Variants in TRIP13 observed in about 807,000 individuals in gnomAD.
TRIP13 encodes the protein pachytene checkpoint protein 2 homolog.
TRIP13 carries 25 observed loss-of-function variants against 54.4 expected under a neutral mutation model. The observed-to-expected ratio is 0.46, with a 90% CI of 0.33 to 0.64. The LOEUF is 0.64. Among genes scored for constraint, TRIP13 ranks in the 30% least tolerant of loss-of-function variants. The probability of loss-of-function intolerance (pLI) is 0.02; values close to 1 mark genes in which losing one functional copy is unlikely to be tolerated. For synonymous variants in TRIP13, 207 were observed against 207.8 expected (o/e 1.00, Z 0.03); for missense variants, 373 against 534.2 (o/e 0.70, Z 2.97).
rs1024144916 is a variant in TRIP13 at position 907,735 on chromosome 5, C to T, written c.673-253C>T. ...AAAGCAGAGGTACAGGTCACCCTCA[C>T]TGTGCCGCCCCGGGCAGGTCAGGTG... On this transcript the variant is annotated intron_variant, in intron 7 of 12. Coordinates refer to ENST00000166345, the MANE Select transcript of TRIP13 (RefSeq NM_004237.4). This position sits in a 1 kb window ranked among gnomAD's most constrained non-coding sequence, Gnocchi z 4.1. 6.6e-6 allele frequency among the ~76,000 whole-genome samples: 1 copy of T among 152,256 alleles called. No homozygotes were observed. Among genetic ancestry groups the T allele is most frequent in the Non-Finnish European group, 1.5e-5 (1 of 68,050 alleles).
Position 908,432 on chromosome 5 carries a change from T to G in TRIP13, c.837T>G (p.Ala279=). ...CAGATGCCATCCGCGTGGTCAATGC[T>G]GTCTTGACCCAAATTGATCAGATTA... ...EPSDAIRVVN[A]VLTQIDQIKR... The change falls in exon 9 of 13, where the codon GCT becomes GCG. Residue 279 remains alanine (A), a synonymous_variant. Transcript: ENST00000166345. This position sits in a 1 kb window ranked among gnomAD's most constrained non-coding sequence, Gnocchi z 5.2. 1 of 1,613,892 alleles carries G rather than the reference T, an allele frequency of 6.2e-7. No individual in the cohort carries two copies. Among genetic ancestry groups the G allele is most frequent in the Non-Finnish European group, 8.5e-7 (1 of 1,180,040 alleles).
intron 2 of TRIP13, among the ~76,000 whole-genome samples, chr5:896,386 A>ATTTATATAATAAC (rs1331200344): frequency 2.0e-5 from 3 of 152,196 alleles, no homozygotes; most frequent in African/African-American, 7.2e-5. Flanking sequence ...CATCTGTGTG[A>ATTTATATAATAAC]GTGTATTTAT....
At chr5:909,866 C>T (rs1042618031) in intron 9 of TRIP13, among the ~76,000 whole-genome samples, 3 of 152,248 alleles carry the variant, frequency 2.0e-5, no homozygotes, top group Non-Finnish European at 4.4e-5. Flanking sequence ...GGCTTAAGAA[C>T]GCCTTTAAGC....
At chr5:900,369 A>G in intron 3 of TRIP13, 125 bp from the exon 4 acceptor site, 1 of 903,632 alleles carries the variant, frequency 1.1e-6, no homozygotes, top group South Asian at 1.7e-5. Context: ...TCCTGTAATC[A>G]GAATCATAGT....
At position 911,687 on chromosome 5, in the gene TRIP13, G is replaced by A. The variant is rs116573348; in HGVS notation, c.867-156G>A. ...AAGGAGCAGCGAGAGCAAAGGCTGGGGGGTCTGCGTGGCCTGTGTTGGCAC... is the reference window on the plus strand; with the variant it reads ...AAGGAGCAGCGAGAGCAAAGGCTGGAGGGTCTGCGTGGCCTGTGTTGGCAC... On this transcript the variant is annotated intron_variant, in intron 9 of 12. Transcript: ENST00000166345. This position sits in a 1 kb window ranked among gnomAD's most constrained non-coding sequence, Gnocchi z 4.7. 5.6e-3 allele frequency among the ~76,000 whole-genome samples: 860 copies of A among 152,322 alleles called. 6 individuals are homozygous for A. The highest frequency in any genetic ancestry group is 0.02 in the African/African-American group (836 of 41,572).
rs1355818820 is a variant in TRIP13 at position 901,381 on chromosome 5, A to G, written c.485A>G (p.Lys162Arg). ...ATGACAACTTTACTGTTTTCAGACAAGAACGTCAACAGCAACCTCATCACC... is the reference window on the plus strand; with the variant it reads ...ATGACAACTTTACTGTTTTCAGACAGGAACGTCAACAGCAACCTCATCACC... The part of the protein sequence containing the change: ...YVMTTLLFSD[K>R]NVNSNLITWN... Residue 162 changes from lysine (K) to arginine (R), a missense_variant, in exon 5 of 13, where the codon AAG becomes AGG. Around this residue, in one of 4 missense-constraint regions of TRIP13, gnomAD observed 119 missense variants for 223.0 expected, o/e 0.53. Coordinates refer to ENST00000166345, the MANE Select transcript of TRIP13 (RefSeq NM_004237.4). 4 of 1,614,076 alleles carry G rather than the reference A, an allele frequency of 2.5e-6. No homozygotes were observed. In the Admixed American group the frequency reaches 6.7e-5, roughly 27 times the overall value.
chr5:896,530 C>A, intron 2 of TRIP13, 135 bp from the exon 3 acceptor site: 1 of 884,864 alleles, frequency 1.1e-6, no homozygotes, highest in Non-Finnish European at 1.6e-6. Context: ...ATAGCCTTCT[C>A]ATCTAATCTG....
At chr5:914,608 A>C (rs989385314) in intron 11 of TRIP13, 31 bp downstream of exon 11, 9 of 1,561,680 alleles carry the variant, frequency 5.8e-6, no homozygotes, top group Non-Finnish European at 7.9e-6. Context: ...TGTAATCAAG[A>C]AGAATCCATT....
chr5:914,442 CGCCT>C lies in TRIP13; in HGVS notation c.1021-21_1021-18del, dbSNP rs1560950903. On this transcript the variant is annotated intron_variant, in intron 10 of 12. Coordinates refer to ENST00000166345, the MANE Select transcript of TRIP13 (RefSeq NM_004237.4). ...TCAGGCCTCTGTGGACTCAGCTAACCGCCTGTACTTCTGTCTCCCCAGTGTCAGA... is the reference window on the plus strand; with the variant it reads ...TCAGGCCTCTGTGGACTCAGCTAACCGTACTTCTGTCTCCCCAGTGTCAGA... 6.3e-7 allele frequency: 1 copy of C among 1,586,454 alleles called. No individual in the cohort carries two copies. Among genetic ancestry groups the C allele is most frequent in the Admixed American group, 1.7e-5 (1 of 59,902 alleles).
chr5:896,842 G>C (rs753646441), intron 3 of TRIP13, 48 bp downstream of exon 3: 3 of 1,586,224 alleles, frequency 1.9e-6, no homozygotes, highest in Admixed American at 3.4e-5. Flanking sequence ...TCAGAGGATT[G>C]TATACTCCAT....
chr5:904,339 A>T, intron 6 of TRIP13, 119 bp downstream of exon 6: 1 of 785,176 alleles, frequency 1.3e-6, no homozygotes, highest in Non-Finnish European at 2.0e-6. Flanking sequence ...ACTGTAAGTC[A>T]CTTGATTCCT....
chr5:909,612 T>A (rs181535871), intron 9 of TRIP13, among the ~76,000 whole-genome samples: 1 of 151,936 alleles, frequency 6.6e-6, no homozygotes, highest in Non-Finnish European at 1.5e-5. Context: ...CACACAAATA[T>A]AGAGGTGTGA....
intron 12 of TRIP13, among the ~76,000 whole-genome samples, chr5:916,782 A>G (rs1195639252): frequency 1.3e-5 from 2 of 148,764 alleles, no homozygotes; most frequent in African/African-American, 2.6e-5. Flanking sequence ...CATTCAGGAC[A>G]TGGCGGGGGC....
At chr5:895,002 G>T in intron 2 of TRIP13, 50 bp downstream of exon 2, 1 of 1,528,510 alleles carries the variant, frequency 6.5e-7, no homozygotes. Flanking sequence ...AATACAAAAG[G>T]TTGTATCATG....
At chr5:900,654 G>A (rs1287186935) in intron 4 of TRIP13, 105 bp downstream of exon 4, 2 of 1,210,622 alleles carry the variant, frequency 1.7e-6, no homozygotes, top group Admixed American at 4.8e-5. Context: ...TGGGTTTTTG[G>A]GAGCCCCTGT....
chr5:907,886 G>C lies in TRIP13; in HGVS notation c.673-102G>C. On this transcript the variant is annotated intron_variant, in intron 7 of 12. Coordinates refer to ENST00000166345, the MANE Select transcript of TRIP13 (RefSeq NM_004237.4). The surrounding 1 kb of genome is among the most constrained non-coding windows in gnomAD (Gnocchi z 4.1). ...CTGAGGGGCCGTCAGGAGACAGTGG[G>C]CTTGTGGGGACAACTGGGGCAGCAG... 3 of 1,187,236 alleles carry C rather than the reference G, an allele frequency of 2.5e-6. No individual in the cohort carries two copies. The highest frequency in any genetic ancestry group is 3.8e-6 in the Non-Finnish European group (3 of 799,384). The allele number at this position is 1,187,236 out of a possible 1,614,324, so 73.5% of individuals were successfully genotyped here. A position where few individuals can be genotyped will look rare whatever the true frequency, so the allele number is the denominator to read the frequency against.
chr5:893,025 G>A lies in TRIP13; in HGVS notation c.27G>A (p.Lys9=). The change falls in exon 1 of 13, where the codon AAG becomes AAA. Residue 9 remains lysine, a synonymous_variant. Transcript: ENST00000166345. The part of the protein sequence containing the change: MDEAVGDL[K]QALPCVAESP... ...TGGACGAGGCCGTGGGCGACCTGAA[G>A]CAGGCGCTTCCCTGTGTGGCCGAGT... is the stretch of plus-strand genomic sequence containing the variant. 2 of 1,593,362 alleles carry A rather than the reference G, an allele frequency of 1.3e-6. No homozygotes were observed. The highest frequency in any genetic ancestry group is 1.1e-5 in the South Asian group (1 of 87,846).
intron 9 of TRIP13, among the ~76,000 whole-genome samples, chr5:909,534 T>A (rs775094935): frequency 1.1e-4 from 17 of 152,002 alleles, no homozygotes; most frequent in Non-Finnish European, 2.2e-4. Context: ...TGCAGGAATG[T>A]GTGCCAAGAC....
rs191878310 is a variant in TRIP13, at chr5:900,653, G to C, written c.444+104G>C. ...AGCAACTTGATGCAGATGGGTTTTTGGGAGCCCCTGTCTGCTGGCAGCCCT... is the reference window on the plus strand; with the variant it reads ...AGCAACTTGATGCAGATGGGTTTTTCGGAGCCCCTGTCTGCTGGCAGCCCT... On this transcript the variant is annotated intron_variant, in intron 4 of 12. Coordinates refer to ENST00000166345, the MANE Select transcript of TRIP13 (RefSeq NM_004237.4). 170 of 1,211,274 alleles carry C rather than the reference G, an allele frequency of 1.4e-4. 1 individual carries two copies. The East Asian group carries it at 2.8e-3, about 20-fold the overall frequency. 75.0% of individuals were successfully genotyped at this position (1,211,274 alleles called of 1,614,324 possible).
Sources: allele counts gnomAD v4.1 joint callset (sites outside exome capture counted in the v4.1 genomes callset), GRCh38; gene constraint gnomAD v4.1.1; regional missense constraint gnomAD v4.1.1; non-coding constraint Gnocchi (gnomAD v3.1); transcripts MANE v1.5; gene names NCBI Gene and HGNC (gene_info 2026-07-23, HGNC 2026-07-21).